The following ATP6V0A1 variants were observed in gnomAD, a reference collection of about 807,000 sequenced individuals.
The protein encoded by ATP6V0A1 is ATPase H+ transporting V0 subunit a1.
A neutral mutation model predicts 105.4 loss-of-function variants in ATP6V0A1; 43 were observed. That is an observed-to-expected ratio of 0.41 (90% CI 0.32 to 0.53). The LOEUF is 0.53. Among genes scored for constraint, ATP6V0A1 ranks in the 20% least tolerant of loss-of-function variants. ATP6V0A1 has a pLI of 0.30. For missense variants in ATP6V0A1, 676 were observed against 1,051.1 expected (o/e 0.64, Z 4.93); for synonymous variants, 362 against 372.8 (o/e 0.97, Z 0.33).
rs533780300 is a variant in ATP6V0A1, at chr17:42,512,662, G to A, written c.2131-1199G>A. On this transcript the variant is annotated intron_variant, in intron 19 of 21. Transcript: ENST00000343619. The stretch of plus-strand genomic sequence containing the variant: ...TGGTGGAGCCAGCCCCCTCCACGCT[G>A]GCTGCACCCCTGTGGCCTGGGCTGT... Among the ~76,000 whole-genome samples, 40 of 152,322 alleles carry A rather than the reference G, an allele frequency of 2.6e-4. No homozygotes were observed. In the South Asian group the frequency reaches 7.2e-3, roughly 28 times the overall value.
At chr17:42,494,249 G>T in intron 11 of ATP6V0A1, 85 bp from the exon 12 acceptor site, 3 of 1,368,324 alleles carry the variant, frequency 2.2e-6, no homozygotes, top group Non-Finnish European at 3.0e-6. Flanking sequence ...AAAAAAGGGG[G>T]GTGGGTATGG....
chr17:42,506,882 G>A (rs1190040302), intron 17 of ATP6V0A1, among the ~76,000 whole-genome samples: 4 of 152,170 alleles, frequency 2.6e-5, no homozygotes, highest in African/African-American at 9.7e-5. Context: ...TAACATTCCA[G>A]AGCTGTCTGC....
intron 21 of ATP6V0A1, chr17:42,520,813 G>A: frequency 1.8e-6 from 1 of 552,058 alleles, no homozygotes. Context: ...AGCAAGATTG[G>A]GAACTGAGGG....
intron 21 of ATP6V0A1, among the ~76,000 whole-genome samples, chr17:42,515,264 C>G (rs1271614478): frequency 6.6e-6 from 1 of 151,690 alleles, no homozygotes; most frequent in African/African-American, 2.4e-5. Context: ...GTCAGGAATT[C>G]GAGACCAGCC....
chr17:42,513,855 C>T lies in ATP6V0A1; in HGVS notation c.2131-6C>T, dbSNP rs147207696. On this transcript the variant is annotated splice_region_variant and splice_polypyrimidine_tract_variant and intron_variant, in intron 19 of 21. Coordinates refer to ENST00000343619, the MANE Select transcript of ATP6V0A1 (RefSeq NM_001130021.3). ...ATATCTTCTCTCTGGTTTCCTCCCA[C>T]GACAGTTTGACTTTGGGGACACCAT... 5.0e-5 allele frequency: 81 copies of T among 1,612,278 alleles called. No individual in the cohort carries two copies. Among genetic ancestry groups the T allele is most frequent in the African/African-American group, 3.9e-4 (29 of 74,998 alleles).
At chr17:42,466,652 G>C (rs2087105104) in intron 3 of ATP6V0A1, 145 bp downstream of exon 3, 1 of 656,180 alleles carries the variant, frequency 1.5e-6, no homozygotes, top group Non-Finnish European at 2.5e-6. Flanking sequence ...TGTATTTCTC[G>C]TATACGAGTA....
At chr17:42,477,097 G>T (rs1431795871) in intron 5 of ATP6V0A1, among the ~76,000 whole-genome samples, 2 of 152,174 alleles carry the variant, frequency 1.3e-5, no homozygotes, top group African/African-American at 4.8e-5. Flanking sequence ...TCTTTCTCCA[G>T]ACTTCACAGC....
At chr17:42,507,475 T>C (rs571858509) in intron 17 of ATP6V0A1, 45 bp from the exon 18 acceptor site, 3 of 1,419,978 alleles carry the variant, frequency 2.1e-6, no homozygotes, top group African/African-American at 2.8e-5. Context: ...CAGAATGTCA[T>C]GTTAAAGCCC....
intron 19 of ATP6V0A1, among the ~76,000 whole-genome samples, chr17:42,512,605 A>C (rs1348857694): frequency 6.6e-6 from 1 of 152,154 alleles, no homozygotes; most frequent in Non-Finnish European, 1.5e-5. Context: ...GACAGAGGTG[A>C]GGGAGAAGCA....
At chr17:42,508,721 A>G (rs967733353) in intron 19 of ATP6V0A1, 132 bp downstream of exon 19, 1 of 1,244,798 alleles carries the variant, frequency 8.0e-7, no homozygotes, top group Admixed American at 2.0e-5. Context: ...CTCACTGGCC[A>G]TTTCAAACCA....
chr17:42,463,636 A>T (rs1178257768), intron 2 of ATP6V0A1, among the ~76,000 whole-genome samples: 2 of 152,198 alleles, frequency 1.3e-5, no homozygotes, highest in South Asian at 2.1e-4. Context: ...TTATCATAAA[A>T]GTCTTTTTTT....
chr17:42,459,951 A>G (rs981856003), intron 1 of ATP6V0A1, among the ~76,000 whole-genome samples: 4 of 152,222 alleles, frequency 2.6e-5, no homozygotes, highest in Non-Finnish European at 4.4e-5. Flanking sequence ...TGGATACTGG[A>G]CAGGCTGTGC....
Position 42,487,148 on chromosome 17 carries a change from C to T in ATP6V0A1, c.811-7C>T, listed in dbSNP as rs1307299734. The T allele has an allele frequency of 6.2e-7, 1 of 1,614,012 alleles. No homozygotes were observed. The highest frequency in any genetic ancestry group is 1.1e-5 in the South Asian group (1 of 91,070). On this transcript the variant is annotated splice_polypyrimidine_tract_variant and splice_region_variant and intron_variant, in intron 9 of 21. Coordinates refer to ENST00000343619, the MANE Select transcript of ATP6V0A1 (RefSeq NM_001130021.3). Reference sequence around the variant, plus strand: ...GGATCCCTCGCTTGTTCCTTTTCTCCCCAAAGGTTCTGAATCAAACGGAGG... The same window carrying T: ...GGATCCCTCGCTTGTTCCTTTTCTCTCCAAAGGTTCTGAATCAAACGGAGG...
At chr17:42,472,280 C>G (rs2088077267) in intron 5 of ATP6V0A1, among the ~76,000 whole-genome samples, 4 of 151,938 alleles carry the variant, frequency 2.6e-5, no homozygotes, top group Non-Finnish European at 5.9e-5. Flanking sequence ...TCTCGAACCT[C>G]TAGCCTCAAG....
chr17:42,462,631 G>C (rs1169100297), intron 2 of ATP6V0A1, among the ~76,000 whole-genome samples: 1 of 152,034 alleles, frequency 6.6e-6, no homozygotes, highest in Non-Finnish European at 1.5e-5. Context: ...CATTGGCCAG[G>C]CTGGTCTCGA....
At chr17:42,485,528 GTGTTT>G (rs1339551241) in intron 9 of ATP6V0A1, among the ~76,000 whole-genome samples, 2 of 148,216 alleles carry the variant, frequency 1.3e-5, no homozygotes, top group African/African-American at 5.2e-5. Flanking sequence ...AGGGTTTTTT[GTGTTT>G]TGTTTGTTTG....
chr17:42,469,322 AC>A (rs2087540830), intron 4 of ATP6V0A1, among the ~76,000 whole-genome samples: 1 of 139,654 alleles, frequency 7.2e-6, no homozygotes, highest in Non-Finnish European at 1.5e-5. Context: ...GAAAGGAAAG[AC>A]TTTTTTTTTT....
chr17:42,514,569 G>T (rs927133719), intron 21 of ATP6V0A1, 109 bp downstream of exon 21: 2 of 1,187,794 alleles, frequency 1.7e-6, no homozygotes, highest in Non-Finnish European at 2.3e-6. Flanking sequence ...CAGGAAAGAT[G>T]AGCTGGCCCT....
intron 17 of ATP6V0A1, among the ~76,000 whole-genome samples, chr17:42,505,395 A>G (rs1220876144): frequency 6.6e-6 from 1 of 152,076 alleles, no homozygotes; most frequent in African/African-American, 2.4e-5. Context: ...TAGTAGAGAC[A>G]GGGTCTCACC....
Sources: gnomAD v4.1 joint callset for allele counts (sites outside exome capture counted in the v4.1 genomes callset) on GRCh38, gnomAD v4.1.1 for gene constraint, MANE v1.5 for transcripts, NCBI Gene and HGNC (gene_info 2026-07-23, HGNC 2026-07-21) for gene names.